Variants in SUPT3H observed in about 807,000 individuals in gnomAD.
The protein encoded by SUPT3H is SPT3 homolog, SAGA and STAGA complex component.
Under a neutral mutation model 44.3 loss-of-function variants are expected in SUPT3H, and 44 were observed. The ratio of observed to expected loss-of-function variants is 0.99; its 90% confidence interval spans 0.78 to 1.28. The LOEUF (loss-of-function observed/expected upper bound fraction) is 1.28, where lower values mean the gene tolerates loss of function less well. SUPT3H is among the 50% of genes most tolerant of loss of function. The probability of loss-of-function intolerance (pLI) is 0.00; values close to 1 mark genes in which losing one functional copy is unlikely to be tolerated. For missense variants in SUPT3H, 380 were observed against 387.1 expected (o/e 0.98, Z 0.15); for synonymous variants, 124 against 125.6 (o/e 0.99, Z 0.09).
intron 2 of SUPT3H, among the ~76,000 whole-genome samples, chr6:45,280,273 G>A (rs1370497560): frequency 6.6e-6 from 1 of 152,066 alleles, no homozygotes; most frequent in East Asian, 1.9e-4. Flanking sequence ...AGGCTGAGGT[G>A]GGTGTATCAC....
chr6:45,179,204 C>G (rs137977879), intron 2 of SUPT3H, among the ~76,000 whole-genome samples: 1 of 152,108 alleles, frequency 6.6e-6, no homozygotes, highest in Non-Finnish European at 1.5e-5. Context: ...CTGAACAGAC[C>G]AATAACAGGA....
chr6:45,128,503 C>CAA (rs1168489460), intron 2 of SUPT3H, among the ~76,000 whole-genome samples: 3 of 12,462 alleles, frequency 2.4e-4, no homozygotes, highest in African/African-American at 9.1e-4. Flanking sequence ...GACTCTGTCT[C>CAA]AAAAAAAAAA....
At chr6:45,348,533 G>C (rs1791374478) in intron 2 of SUPT3H, among the ~76,000 whole-genome samples, 2 of 85,374 alleles carry the variant, frequency 2.3e-5, no homozygotes, top group South Asian at 7.1e-4. Context: ...AAGTTATCCA[G>C]GTATGGTGGC....
intron 2 of SUPT3H, among the ~76,000 whole-genome samples, chr6:45,146,085 C>T (rs2153593028): frequency 6.6e-6 from 1 of 152,196 alleles, no homozygotes; most frequent in South Asian, 2.1e-4. Context: ...TAAACTAGTA[C>T]AACCACTATG....
intron 10 of SUPT3H, among the ~76,000 whole-genome samples, chr6:44,830,710 A>G (rs1768505999): frequency 6.6e-6 from 1 of 152,076 alleles, no homozygotes; most frequent in African/African-American, 2.4e-5. Flanking sequence ...CACATTTTTA[A>G]TCATTTAAAC....
intron 2 of SUPT3H, among the ~76,000 whole-genome samples, chr6:45,267,431 T>A (rs1463419758): frequency 1.3e-5 from 2 of 152,248 alleles, no homozygotes; most frequent in East Asian, 3.8e-4. Context: ...ACAAGTGCAA[T>A]GTTTTTATTG....
intron 10 of SUPT3H, among the ~76,000 whole-genome samples, chr6:44,868,508 T>C (rs1775859132): frequency 6.6e-6 from 1 of 152,158 alleles, no homozygotes; most frequent in African/African-American, 2.4e-5. Context: ...TCTGCGAGTA[T>C]ATGGCTTTCT....
At chr6:45,216,891 GA>G (rs1281356388) in intron 2 of SUPT3H, among the ~76,000 whole-genome samples, 1 of 152,052 alleles carries the variant, frequency 6.6e-6, no homozygotes, top group Non-Finnish European at 1.5e-5. Context: ...GATAGGCAAA[GA>G]AAAATAAGTA....
chr6:44,853,155 C>G (rs1483811723), intron 10 of SUPT3H, among the ~76,000 whole-genome samples: 1 of 152,152 alleles, frequency 6.6e-6, no homozygotes, highest in Admixed American at 6.6e-5. Flanking sequence ...CATGTATTAA[C>G]TTATTTAGTC....
chr6:45,214,881 C>G (rs570391954), intron 2 of SUPT3H, among the ~76,000 whole-genome samples: 1 of 152,124 alleles, frequency 6.6e-6, no homozygotes, highest in Admixed American at 6.5e-5. Flanking sequence ...AACCCCCTCA[C>G]GACCGAGAGT....
chr6:44,990,288 C>A (rs1780433842), intron 6 of SUPT3H, among the ~76,000 whole-genome samples: 1 of 151,980 alleles, frequency 6.6e-6, no homozygotes, highest in African/African-American at 2.4e-5. Context: ...GATTAGTTGA[C>A]CACATGCGTG....
intron 2 of SUPT3H, among the ~76,000 whole-genome samples, chr6:45,253,988 T>C (rs1432284827): frequency 2.6e-5 from 4 of 151,036 alleles, no homozygotes; most frequent in African/African-American, 9.7e-5. Context: ...TATCTATACC[T>C]GTATCATTAC....
intron 2 of SUPT3H, among the ~76,000 whole-genome samples, chr6:45,203,949 T>C (rs1392798566): frequency 6.6e-6 from 1 of 152,092 alleles, no homozygotes; most frequent in East Asian, 1.9e-4. Flanking sequence ...AAATTATTAG[T>C]TCCGTTAAGA....
chr6:44,948,964 C>G (rs946552474), intron 9 of SUPT3H, among the ~76,000 whole-genome samples: 1 of 152,146 alleles, frequency 6.6e-6, no homozygotes, highest in Non-Finnish European at 1.5e-5. Flanking sequence ...TGGCACTATT[C>G]TCAATACCTA....
intron 3 of SUPT3H, among the ~76,000 whole-genome samples, chr6:45,030,530 C>T (rs1786755496): frequency 6.6e-6 from 1 of 152,012 alleles, no homozygotes; most frequent in Non-Finnish European, 1.5e-5. Flanking sequence ...TTTGTTTTTA[C>T]AAGATAGCCT....
At chr6:45,011,867 G>A (rs569527602) in intron 5 of SUPT3H, among the ~76,000 whole-genome samples, 55 of 151,616 alleles carry the variant, frequency 3.6e-4, no homozygotes, top group African/African-American at 1.1e-3. Context: ...TGGGTCTGAC[G>A]GCAAGAAATT....
intron 2 of SUPT3H, among the ~76,000 whole-genome samples, chr6:45,263,579 T>C (rs961804736): frequency 2.6e-5 from 4 of 152,052 alleles, no homozygotes. Flanking sequence ...CAAACCTCAG[T>C]AACATGCAAT....
chr6:44,897,905 T>C (rs780035894), intron 10 of SUPT3H, among the ~76,000 whole-genome samples: 12 of 152,212 alleles, frequency 7.9e-5, no homozygotes, highest in Non-Finnish European at 1.8e-4. Flanking sequence ...TTTAATTTTT[T>C]CAGTCACCAA....
chr6:45,324,563 A>G (rs1786049449), intron 2 of SUPT3H, among the ~76,000 whole-genome samples: 1 of 151,848 alleles, frequency 6.6e-6, no homozygotes, highest in Non-Finnish European at 1.5e-5. Flanking sequence ...CTGAAGGAGA[A>G]AGAAAGGGAA....
Sources: allele counts gnomAD v4.1 joint callset (sites outside exome capture counted in the v4.1 genomes callset), GRCh38; gene constraint gnomAD v4.1.1; transcripts MANE v1.5; gene names NCBI Gene and HGNC (gene_info 2026-07-23, HGNC 2026-07-21).